FAM53A: variants seen among roughly 807,000 people sequenced by gnomAD.
The protein encoded by FAM53A is protein FAM53A.
A neutral mutation model predicts 26.6 loss-of-function variants in FAM53A; 28 were observed. That is an observed-to-expected ratio of 1.05 (90% CI 0.78 to 1.45). FAM53A has a LOEUF of 1.45. FAM53A is among the 40% of genes most tolerant of loss of function. The pLI is 0.00. For synonymous variants in FAM53A, 290 were observed against 253.1 expected, an observed-to-expected ratio of 1.15 and a Z score of -1.38; for missense variants, 650 against 575.8, an observed-to-expected ratio of 1.13 and a Z score of -1.32.
At chr4:1,618,373 C>T (rs1714886555) in intron 1 of FAM53A, among the ~76,000 whole-genome samples, 1 of 152,214 alleles carries the variant, frequency 6.6e-6, no homozygotes. Context: ...CGGACTGGAA[C>T]ACCAGTAACT....
At chr4:1,651,259 C>T (rs1370559487) in intron 4 of FAM53A, among the ~76,000 whole-genome samples, 23 of 149,802 alleles carry the variant, frequency 1.5e-4, no homozygotes, top group Admixed American at 1.3e-3. Context: ...GGGCCGGGCA[C>T]GGTGGCTCAC....
chr4:1,637,822 C>T (rs1484952836), downstream of FAM53A, among the ~76,000 whole-genome samples: 1 of 152,132 alleles, frequency 6.6e-6, no homozygotes, highest in African/African-American at 2.4e-5. Context: ...CTGCCCAGCC[C>T]AGTGGATCCC....
the FAM53A span, among the ~76,000 whole-genome samples, chr4:1,580,475 C>T: frequency 1.3e-5 from 2 of 152,112 alleles, no homozygotes; most frequent in African/African-American, 4.8e-5. Flanking sequence ...AGGGAGAAAG[C>T]ATCCCCGGCG....
At chr4:1,605,630 G>A in the FAM53A span, among the ~76,000 whole-genome samples, 1 of 151,926 alleles carries the variant, frequency 6.6e-6, no homozygotes, top group Non-Finnish European at 1.5e-5. The surrounding 1 kb of genome is among the most constrained non-coding windows in gnomAD (Gnocchi z 5.7). Flanking sequence ...GGCTCCTCGG[G>A]GTGCCTCCTC....
intron 1 of FAM53A, among the ~76,000 whole-genome samples, chr4:1,624,328 T>C (rs765810324): frequency 2.6e-5 from 4 of 152,106 alleles, no homozygotes; most frequent in Non-Finnish European, 5.9e-5. Flanking sequence ...AGGCGCTGTG[T>C]CAAGGGAGAC....
rs367702853 is a variant in FAM53A, at chr4:1,630,693, C to T, written c.432-12582G>A. ...AAAAGGCCCGCACAGCATGATCCCA[C>T]GTCTACGAAATGCCCAGCTCCACAG... On this transcript the variant is annotated intron_variant, in intron 1 of 1. Transcript: ENST00000489029. This position sits in a 1 kb window ranked among gnomAD's most constrained non-coding sequence, Gnocchi z 4.3. 6.6e-6 allele frequency among the ~76,000 whole-genome samples: 1 copy of T among 152,114 alleles called. No individual in the cohort carries two copies. Among genetic ancestry groups the T allele is most frequent in the African/African-American group, 2.4e-5 (1 of 41,432 alleles).
At chr4:1,675,359 C>T (rs1185157573) in intron 1 of FAM53A, among the ~76,000 whole-genome samples, 2 of 152,194 alleles carry the variant, frequency 1.3e-5, no homozygotes, top group Admixed American at 6.5e-5. Context: ...GACCTCTCGG[C>T]GCCGGCCCCT....
chr4:1,654,000 C>G (rs1713101662), intron 4 of FAM53A, among the ~76,000 whole-genome samples: 1 of 152,178 alleles, frequency 6.6e-6, no homozygotes, highest in Non-Finnish European at 1.5e-5. Flanking sequence ...CCCCCAGAGG[C>G]AGGGCATGGG....
At chr4:1,664,672 C>T (rs563881592) in intron 2 of FAM53A, among the ~76,000 whole-genome samples, 3 of 152,130 alleles carry the variant, frequency 2.0e-5, no homozygotes, top group African/African-American at 4.8e-5. Context: ...TCACACTGTC[C>T]GAATTACACA....
chr4:1,587,037 C>G, the FAM53A span, among the ~76,000 whole-genome samples: 1 of 152,170 alleles, frequency 6.6e-6, no homozygotes. Flanking sequence ...TGTGTGTCTT[C>G]TTTTGAGAAA....
the FAM53A span, among the ~76,000 whole-genome samples, chr4:1,609,249 G>A: frequency 6.6e-6 from 1 of 151,980 alleles, no homozygotes; most frequent in African/African-American, 2.4e-5. Flanking sequence ...TGGGGTCCAT[G>A]GCCAGCCCCA....
the FAM53A span, among the ~76,000 whole-genome samples, chr4:1,595,802 G>T: frequency 6.6e-6 from 1 of 152,204 alleles, no homozygotes; most frequent in South Asian, 2.1e-4. Flanking sequence ...GAGGCCTCAG[G>T]TAGGCCCATC....
At chr4:1,644,248 G>C in intron 4 of FAM53A, 1 of 1,535,982 alleles carries the variant, frequency 6.5e-7, no homozygotes, top group Non-Finnish European at 8.7e-7. Context: ...ATTCAGAGTC[G>C]ACCCTCTGGA....
At chr4:1,576,882 G>A in the FAM53A span, among the ~76,000 whole-genome samples, 20 of 152,324 alleles carry the variant, frequency 1.3e-4, no homozygotes, top group African/African-American at 4.8e-4. Context: ...GGGGCGCAGG[G>A]CGGCCTCCTT....
intron 4 of FAM53A, among the ~76,000 whole-genome samples, chr4:1,651,480 G>A (rs1439042994): frequency 1.1e-4 from 16 of 151,670 alleles, no homozygotes; most frequent in Non-Finnish European, 2.9e-5. Context: ...TGCAGTGACC[G>A]GAGATCGTGC....
intron 1 of FAM53A, among the ~76,000 whole-genome samples, chr4:1,621,136 G>A (rs374205067): frequency 9.4e-5 from 10 of 106,608 alleles, no homozygotes; most frequent in East Asian, 2.8e-4. Context: ...ATGGAGTCTC[G>A]CTGTCACCCA....
chr4:1,638,143 A>G (rs2108791787), downstream of FAM53A, among the ~76,000 whole-genome samples: 2 of 152,104 alleles, frequency 1.3e-5, no homozygotes, highest in South Asian at 4.1e-4. Context: ...CCCCGGCCTC[A>G]GGCAGGTGAC....
At chr4:1,654,198 G>A (rs938743178) in intron 4 of FAM53A, among the ~76,000 whole-genome samples, 2 of 152,168 alleles carry the variant, frequency 1.3e-5, no homozygotes, top group Admixed American at 1.3e-4. Flanking sequence ...AAGCTTCCCC[G>A]ACACAGATGA....
At chr4:1,679,858 G>T (rs1262697590) in intron 1 of FAM53A, among the ~76,000 whole-genome samples, 2 of 151,676 alleles carry the variant, frequency 1.3e-5, no homozygotes, top group Non-Finnish European at 2.9e-5. Context: ...AGACCAGCCT[G>T]GCCCACACAT....
Sources: gnomAD v4.1 joint callset for allele counts (sites outside exome capture counted in the v4.1 genomes callset) on GRCh38, gnomAD v4.1.1 for gene constraint, Gnocchi (gnomAD v3.1) non-coding constraint, MANE v1.5 for transcripts, NCBI Gene and HGNC (gene_info 2026-07-23, HGNC 2026-07-21) for gene names.